The following PTPRD variants were observed in gnomAD, a reference collection of about 807,000 sequenced individuals.
The protein encoded by PTPRD is protein tyrosine phosphatase receptor type D, also known as receptor-type tyrosine-protein phosphatase delta.
PTPRD carries 34 observed loss-of-function variants against 214.5 expected under a neutral mutation model. The ratio of observed to expected loss-of-function variants is 0.16; its 90% CI spans 0.12 to 0.21. PTPRD has a LOEUF of 0.21. PTPRD is among the 10% of genes least tolerant of loss of function. The pLI is 1.00. For synonymous variants in PTPRD, 1,128 were observed against 845.7 expected, an observed-to-expected ratio of 1.33 and a Z score of -5.79; for missense variants, 2,545 against 2,398.7, an observed-to-expected ratio of 1.06 and a Z score of -1.27.
intron 5 of PTPRD, among the ~76,000 whole-genome samples, chr9:9,936,913 A>G (rs1033543311): frequency 1.9e-4 from 28 of 147,712 alleles, no homozygotes; most frequent in Non-Finnish European, 3.9e-4. Context: ...TGATGAGTTC[A>G]TGTCCTTTGT....
rs143366276 is a variant in PTPRD, at chr9:8,785,190, G to C, written c.-103-51244C>G. ...ACAAGAAAAGAAATTTGGTAAGAGG[G>C]AACACATATTTAAAAGAGACTGAAA... is the stretch of plus-strand genomic sequence containing the variant. On this transcript the variant is annotated intron_variant, in intron 11 of 45. Coordinates refer to ENST00000381196, the MANE Select transcript of PTPRD (RefSeq NM_002839.4). Among the ~76,000 whole-genome samples, 201 of 152,190 alleles carry C rather than the reference G, an allele frequency of 1.3e-3. 1 individual carries two copies. Among genetic ancestry groups the C allele is most frequent in the African/African-American group, 4.4e-3 (183 of 41,524 alleles).
At chr9:8,632,651 C>G (rs2096288619) in intron 14 of PTPRD, among the ~76,000 whole-genome samples, 1 of 151,952 alleles carries the variant, frequency 6.6e-6, no homozygotes, top group African/African-American at 2.4e-5. Context: ...CCAGCACTCT[C>G]ATTGTAAAGG....
rs976587562 is a variant in PTPRD, at chr9:9,186,142, C to G, written c.-202-2779G>C. ...AAAATAGATGATAAATTCTCATGAA[C>G]AGAAGAAAATGGATTTTCAGCAAGT... On this transcript the variant is annotated intron_variant, in intron 9 of 45. Transcript: ENST00000381196. 3.3e-5 allele frequency among the ~76,000 whole-genome samples: 5 copies of G among 151,998 alleles called. No individual in the cohort carries two copies. In the East Asian group the frequency reaches 9.7e-4, roughly 29 times the overall value.
intron 9 of PTPRD, among the ~76,000 whole-genome samples, chr9:9,363,784 A>G (rs2057028704): frequency 6.6e-6 from 1 of 151,384 alleles, no homozygotes; most frequent in African/African-American, 2.4e-5. Flanking sequence ...AACCATCGAT[A>G]TATTTTTTTC....
chr9:8,799,361 AAAGAG>A (rs2096524160), intron 11 of PTPRD, among the ~76,000 whole-genome samples: 1 of 152,230 alleles, frequency 6.6e-6, no homozygotes, highest in African/African-American at 2.4e-5. Context: ...AGAATTCATT[AAAGAG>A]AACTGCCTCA....
At chr9:9,357,835 G>A (rs562189498) in intron 9 of PTPRD, among the ~76,000 whole-genome samples, 3 of 149,638 alleles carry the variant, frequency 2.0e-5, no homozygotes, top group Non-Finnish European at 4.5e-5. Context: ...TTATTGATTG[G>A]ACTTGAGTCT....
chr9:10,412,430 C>G (rs1021205638), intron 2 of PTPRD, among the ~76,000 whole-genome samples: 1 of 151,284 alleles, frequency 6.6e-6, no homozygotes, highest in African/African-American at 2.4e-5. Flanking sequence ...AAGTAGCCTG[C>G]CAACCAAAAA....
chr9:10,603,235 T>C (rs1424360585), intron 2 of PTPRD, among the ~76,000 whole-genome samples: 1 of 151,730 alleles, frequency 6.6e-6, no homozygotes, highest in Non-Finnish European at 1.5e-5. Context: ...AAGAAAAAAA[T>C]ACACTCAGAA....
At chr9:10,087,505 C>A (rs2098364155) in intron 3 of PTPRD, among the ~76,000 whole-genome samples, 1 of 151,634 alleles carries the variant, frequency 6.6e-6, no homozygotes, top group Admixed American at 6.6e-5. Context: ...ACAACTACAG[C>A]CTCCTATCAA....
chr9:10,397,048 C>T (rs963310485), intron 2 of PTPRD, among the ~76,000 whole-genome samples: 5 of 152,100 alleles, frequency 3.3e-5, no homozygotes, highest in Admixed American at 3.3e-4. Context: ...GAAATATATA[C>T]CACTTGCTCC....
chr9:8,643,981 G>C (rs901766785), intron 12 of PTPRD, among the ~76,000 whole-genome samples: 1 of 152,168 alleles, frequency 6.6e-6, no homozygotes, highest in Admixed American at 6.5e-5. Flanking sequence ...GGAACTGGTG[G>C]TGCCTTTTCT....
intron 3 of PTPRD, among the ~76,000 whole-genome samples, chr9:10,056,683 C>T (rs993358706): frequency 2.0e-5 from 3 of 151,926 alleles, no homozygotes; most frequent in Non-Finnish European, 4.4e-5. Flanking sequence ...TCAGTTAAGT[C>T]AAGAGGGGCA....
chr9:8,591,359 C>T (rs2094093383), intron 14 of PTPRD, among the ~76,000 whole-genome samples: 1 of 152,154 alleles, frequency 6.6e-6, no homozygotes, highest in Non-Finnish European at 1.5e-5. Flanking sequence ...TATTTTGCTC[C>T]TGCCTGTGAA....
intron 6 of PTPRD, among the ~76,000 whole-genome samples, chr9:9,759,723 A>G (rs893207988): frequency 5.9e-5 from 9 of 151,646 alleles, no homozygotes; most frequent in Admixed American, 5.9e-4. Context: ...ACGCCCAACT[A>G]ACTTTTTTTA....
chr9:9,195,620 C>T (rs1386801815), intron 9 of PTPRD, among the ~76,000 whole-genome samples: 1 of 151,488 alleles, frequency 6.6e-6, no homozygotes, highest in Non-Finnish European at 1.5e-5. Context: ...TGAAACCTTT[C>T]ATTTGAATGG....
intron 5 of PTPRD, among the ~76,000 whole-genome samples, chr9:9,775,851 G>C (rs2098794096): frequency 6.6e-6 from 1 of 150,546 alleles, no homozygotes; most frequent in African/African-American, 2.4e-5. Flanking sequence ...AGCTACTTGG[G>C]AGGCTGAGGC....
chr9:8,380,844 C>A (rs987152210), intron 37 of PTPRD, among the ~76,000 whole-genome samples: 1 of 151,982 alleles, frequency 6.6e-6, no homozygotes, highest in Non-Finnish European at 1.5e-5. Context: ...TGAGCGGTAG[C>A]CAACTTTATA....
At chr9:9,710,247 C>T (rs2097700081) in intron 7 of PTPRD, among the ~76,000 whole-genome samples, 2 of 151,908 alleles carry the variant, frequency 1.3e-5, no homozygotes, top group African/African-American at 4.8e-5. Flanking sequence ...AACTAAAGCT[C>T]AAATAAGACT....
chr9:8,821,213 T>C (rs1189709837), intron 11 of PTPRD, among the ~76,000 whole-genome samples: 5 of 152,216 alleles, frequency 3.3e-5, no homozygotes, highest in Admixed American at 2.6e-4. Context: ...AATTCTTAGA[T>C]GATCACAGTT....
Sources: allele counts gnomAD v4.1 joint callset (sites outside exome capture counted in the v4.1 genomes callset), GRCh38; gene constraint gnomAD v4.1.1; transcripts MANE v1.5; gene names NCBI Gene and HGNC (gene_info 2026-07-23, HGNC 2026-07-21).